The following LARGE1 variants were observed in gnomAD, a reference collection of about 807,000 sequenced individuals.
LARGE1 encodes xylosyl- and glucuronyltransferase LARGE1.
A neutral mutation model predicts 87.6 loss-of-function variants in LARGE1; 43 were observed. The ratio of observed to expected loss-of-function variants is 0.49; its 90% confidence interval spans 0.38 to 0.63. LARGE1 has a LOEUF of 0.63. Among genes scored for constraint, LARGE1 ranks in the 30% least tolerant of loss-of-function variants. The pLI is 0.00. For missense variants in LARGE1, 802 were observed against 1,000.2 expected, an observed-to-expected ratio of 0.80 and a Z score of 2.67; for synonymous variants, 434 against 394.6, an observed-to-expected ratio of 1.10 and a Z score of -1.18.
intron 7 of LARGE1, among the ~76,000 whole-genome samples, chr22:33,394,198 C>CTTT (rs531894455): frequency 1.6e-5 from 2 of 126,798 alleles, no homozygotes; most frequent in African/African-American, 3.1e-5. Context: ...ACCTCTGATT[C>CTTT]TTTTTTTTTT....
intron 1 of LARGE1, among the ~76,000 whole-genome samples, chr22:33,873,940 A>C (rs2064384882): frequency 1.4e-5 from 2 of 146,916 alleles, no homozygotes; most frequent in Non-Finnish European, 3.0e-5. Flanking sequence ...CAACCCTGAT[A>C]TTTCTTCCTT....
intron 6 of LARGE1, among the ~76,000 whole-genome samples, chr22:33,496,530 G>C (rs1076912): frequency 0.59 from 88,963 of 151,898 alleles, 26,146 homozygotes; most frequent in Non-Finnish European, 0.6. Flanking sequence ...AAGACACCAA[G>C]CTGAGTCTGC....
chr22:33,324,466 G>T (rs1937068849), intron 10 of LARGE1, among the ~76,000 whole-genome samples: 1 of 152,002 alleles, frequency 6.6e-6, no homozygotes, highest in Admixed American at 6.6e-5. Flanking sequence ...GGAACAGAGG[G>T]CTCCTGACAA....
At chr22:33,120,486 TTCC>T in the LARGE1 span, among the ~76,000 whole-genome samples, 1 of 150,770 alleles carries the variant, frequency 6.6e-6, no homozygotes, top group Non-Finnish European at 1.5e-5. Context: ...CTCTCCTTCC[TTCC>T]TTTCTTTCCT....
intron 6 of LARGE1, among the ~76,000 whole-genome samples, chr22:33,555,034 T>C (rs2077634370): frequency 6.6e-6 from 1 of 152,176 alleles, no homozygotes; most frequent in Non-Finnish European, 1.5e-5. Flanking sequence ...ACTGAAAATA[T>C]TTGGAAAGAA....
intron 5 of LARGE1, among the ~76,000 whole-genome samples, chr22:33,586,574 C>T (rs1249275326): frequency 1.3e-5 from 2 of 151,996 alleles, no homozygotes; most frequent in Non-Finnish European, 1.5e-5. Context: ...TCTCCTGCCT[C>T]AGCCTCCCAA....
intron 4 of LARGE1, among the ~76,000 whole-genome samples, chr22:33,615,043 C>T (rs769682667): frequency 8.5e-5 from 13 of 152,228 alleles, no homozygotes; most frequent in African/African-American, 1.9e-4. Context: ...GGCCATTCCA[C>T]GGTGTCAGAC....
chr22:33,683,415 G>A (rs543761910), intron 2 of LARGE1, among the ~76,000 whole-genome samples: 1 of 152,278 alleles, frequency 6.6e-6, no homozygotes, highest in East Asian at 1.9e-4. Flanking sequence ...CTATATCATT[G>A]GCTCTCCTAG....
chr22:33,764,895 GT>G (rs996600879), intron 1 of LARGE1, among the ~76,000 whole-genome samples: 2 of 151,924 alleles, frequency 1.3e-5, no homozygotes, highest in African/African-American at 2.4e-5. Flanking sequence ...GCAACCATCC[GT>G]TTTTTTTCCT....
intron 11 of LARGE1, among the ~76,000 whole-genome samples, chr22:33,236,256 G>T (rs62232905): frequency 0.061 from 9,357 of 152,246 alleles, 338 homozygotes; most frequent in Middle Eastern, 0.088. Context: ...ACGAATACAT[G>T]AGTGGAGAAA....
At chr22:33,697,949 C>T (rs960432869) in intron 2 of LARGE1, among the ~76,000 whole-genome samples, 16 of 152,358 alleles carry the variant, frequency 1.1e-4, no homozygotes, top group South Asian at 2.1e-4. Flanking sequence ...CCATGCCTTG[C>T]TACTGGGGCT....
exon 12 of LARGE1, chr22:33,166,183 T>G (rs1242447918): frequency 6.6e-6 from 1 of 152,234 alleles, no homozygotes; most frequent in Non-Finnish European, 1.5e-5. Context: ...TGTTTAAGAC[T>G]CCCACGCCAT....
At chr22:33,827,722 G>A (rs1049601641) in intron 1 of LARGE1, among the ~76,000 whole-genome samples, 4 of 147,916 alleles carry the variant, frequency 2.7e-5, no homozygotes, top group African/African-American at 5.0e-5. Flanking sequence ...GGCCCGTCAC[G>A]GAGACTGGGA....
intron 6 of LARGE1, among the ~76,000 whole-genome samples, chr22:33,467,356 T>C (rs1035013641): frequency 1.3e-5 from 2 of 152,218 alleles, no homozygotes; most frequent in African/African-American, 4.8e-5. Context: ...TCTCAAGCTG[T>C]TTTCCTAATT....
chr22:33,424,776 C>T (rs1264341216), intron 7 of LARGE1, among the ~76,000 whole-genome samples: 2 of 151,856 alleles, frequency 1.3e-5, no homozygotes, highest in African/African-American at 2.4e-5. Flanking sequence ...CCTAGGAGGT[C>T]GAGGCTGCAG....
At chr22:33,654,661 C>T (rs926802932) in intron 2 of LARGE1, among the ~76,000 whole-genome samples, 2 of 152,196 alleles carry the variant, frequency 1.3e-5, no homozygotes, top group South Asian at 2.1e-4. Flanking sequence ...TTCTCTGTTA[C>T]GTTTTACAGG....
rs143978080 is a variant in LARGE1 at position 33,695,953 on chromosome 22, C to T, written c.107-45285G>A. ...TTTGTTATAGATTGGTTCTTCCTGT[C>T]CCCAAACTCGATCTATTAGGAATCC... is the stretch of plus-strand genomic sequence containing the variant. On this transcript the variant is annotated intron_variant, in intron 2 of 14. Transcript: ENST00000397394. Among the ~76,000 whole-genome samples, 309 of 152,278 alleles carry T rather than the reference C, an allele frequency of 2.0e-3. 2 individuals are homozygous for T. Among genetic ancestry groups the T allele is most frequent in the Non-Finnish European group, 3.6e-3 (245 of 68,014 alleles).
chr22:33,635,741 T>G (rs2080249338), intron 3 of LARGE1, among the ~76,000 whole-genome samples: 1 of 152,126 alleles, frequency 6.6e-6, no homozygotes, highest in South Asian at 2.1e-4. Context: ...ATAAAACACA[T>G]ATGTACCTAT....
rs539910622 is a variant in LARGE1, at chr22:33,267,122, C to T, written c.1730+37107G>A. ...GGGTGTGGTGGCGTTCGCCTGTAAT[C>T]CCAGCTACTCAGGAGGCTGAGGTAC... On this transcript the variant is annotated intron_variant, in intron 11 of 11. Coordinates refer to the LARGE1 transcript ENST00000608642. Among the ~76,000 whole-genome samples, 6 of 151,720 alleles carry T rather than the reference C, an allele frequency of 4.0e-5. No individual in the cohort carries two copies. In the South Asian group the frequency reaches 8.3e-4, roughly 21 times the overall value.
Sources: allele counts gnomAD v4.1 joint callset (sites outside exome capture counted in the v4.1 genomes callset), GRCh38; gene constraint gnomAD v4.1.1; transcripts MANE v1.5; gene names NCBI Gene and HGNC (gene_info 2026-07-23, HGNC 2026-07-21).